Variants in PPP2R3C observed in about 807,000 individuals in gnomAD.
The protein encoded by PPP2R3C is serine/threonine-protein phosphatase 2A regulatory subunit B'' subunit gamma.
In PPP2R3C, 47 loss-of-function variants were observed where a neutral mutation model predicts 63.7. The ratio of observed to expected loss-of-function variants is 0.74; its 90% CI spans 0.58 to 0.94. The LOEUF is 0.94. Ranked by LOEUF, PPP2R3C falls within the 40% of genes least tolerant of loss-of-function variation. The pLI, the probability that PPP2R3C is intolerant of heterozygous loss-of-function variation, is 0.00. For missense variants in PPP2R3C, 421 were observed against 518.4 expected (o/e 0.81, Z 1.82); for synonymous variants, 180 against 177.4 (o/e 1.01, Z -0.12).
rs1487717491 is a variant in PPP2R3C at position 35,107,411 on chromosome 14, A to C, written c.503-37T>G. 3.4e-6 allele frequency: 5 copies of C among 1,485,928 alleles called. No homozygotes were observed. The African/African-American group carries it at 4.2e-5, about 12-fold the overall frequency. 92.0% of individuals were successfully genotyped at this position (1,485,928 alleles called of 1,614,324 possible). Reference sequence around the variant, plus strand: ...CAAGAAAATGAAAGTAATTCTTAAGATCTATCCTTCAGATATGAAAAAGGA... The same window carrying C: ...CAAGAAAATGAAAGTAATTCTTAAGCTCTATCCTTCAGATATGAAAAAGGA... On this transcript the variant is annotated intron_variant, in intron 5 of 12. Transcript: ENST00000261475.
chr14:35,091,995 T>C (rs2045835952), intron 10 of PPP2R3C, among the ~76,000 whole-genome samples: 1 of 149,710 alleles, frequency 6.7e-6, no homozygotes, highest in Non-Finnish European at 1.5e-5. Flanking sequence ...GCTGGGATTA[T>C]AGGCATGCAC....
intron 1 of PPP2R3C, among the ~76,000 whole-genome samples, chr14:35,119,183 G>C (rs1210000871): frequency 6.6e-6 from 1 of 151,462 alleles, no homozygotes; most frequent in East Asian, 2.0e-4. Context: ...GATTACAGGT[G>C]TGCACCACTG....
At chr14:35,106,018 TG>T (rs780757755) in intron 6 of PPP2R3C, among the ~76,000 whole-genome samples, 46 of 151,090 alleles carry the variant, frequency 3.0e-4, no homozygotes, top group Admixed American at 1.8e-3. Flanking sequence ...AATTTTTTTT[TG>T]TATTTTTAGT....
At chr14:35,122,153 C>T (rs1013379885), upstream of PPP2R3C, 1 of 585,056 alleles carries the variant, frequency 1.7e-6, no homozygotes, top group Non-Finnish European at 3.1e-6. Flanking sequence ...ACCGCTACCA[C>T]GCTGACTGGG....
At chr14:35,113,462 C>T (rs531492501) in intron 2 of PPP2R3C, among the ~76,000 whole-genome samples, 40 of 152,154 alleles carry the variant, frequency 2.6e-4, no homozygotes, top group Admixed American at 7.9e-4. Flanking sequence ...GGTTTGGTCC[C>T]GGAAGTACAA....
rs373883148 is a variant in PPP2R3C, at chr14:35,085,540, A to G, written c.*50T>C. ...GAGGATTTTGCTTTAAAGGCTTTACATGCAGCATTCAAGTATCTCATAATA... is the reference window on the plus strand; with the variant it reads ...GAGGATTTTGCTTTAAAGGCTTTACGTGCAGCATTCAAGTATCTCATAATA... On this transcript the variant is annotated 3_prime_UTR_variant, in exon 13 of 13. Coordinates refer to ENST00000261475, the MANE Select transcript of PPP2R3C (RefSeq NM_017917.4). 84 of 1,471,682 alleles carry G rather than the reference A, an allele frequency of 5.7e-5. No individual in the cohort carries two copies. The highest frequency in any genetic ancestry group is 6.7e-5 in the Non-Finnish European group (73 of 1,094,792). 91.2% of individuals were successfully genotyped at this position (1,471,682 alleles called of 1,614,324 possible).
intron 3 of PPP2R3C, 175 bp from the exon 4 acceptor site, chr14:35,110,106 G>T (rs1268124911): frequency 3.7e-6 from 2 of 539,864 alleles, no homozygotes; most frequent in Non-Finnish European, 6.5e-6. Flanking sequence ...CATTTATTGA[G>T]TGCCTACTAA....
At chr14:35,106,624 T>C (rs918825561) in intron 6 of PPP2R3C, 6 of 150,116 alleles carry the variant, frequency 4.0e-5, no homozygotes, top group African/African-American at 1.5e-4. Context: ...AGTACAGGCC[T>C]TGGGAATACA....
intron 11 of PPP2R3C, among the ~76,000 whole-genome samples, chr14:35,089,841 C>T (rs868644965): frequency 1.8e-4 from 15 of 82,694 alleles, no homozygotes; most frequent in South Asian, 7.9e-4. Flanking sequence ...GATTTTTTTG[C>T]ATTTTTAGTA....
intron 12 of PPP2R3C, chr14:35,087,331 C>T (rs770751079): frequency 1.3e-5 from 2 of 152,112 alleles, no homozygotes; most frequent in Non-Finnish European, 2.9e-5. Flanking sequence ...AAAACAGTTT[C>T]CAAGGTAAAA....
At chr14:35,106,214 G>A (rs762741149) in intron 6 of PPP2R3C, among the ~76,000 whole-genome samples, 12 of 152,160 alleles carry the variant, frequency 7.9e-5, no homozygotes, top group Non-Finnish European at 1.6e-4. Context: ...GGTCAGCAAA[G>A]GGTAGGTTTG....
chr14:35,117,973 C>T (rs956516753), intron 1 of PPP2R3C, among the ~76,000 whole-genome samples: 1 of 152,138 alleles, frequency 6.6e-6, no homozygotes, highest in Non-Finnish European at 1.5e-5. Context: ...GGATTACAGG[C>T]ATGAGCCACC....
intron 12 of PPP2R3C, chr14:35,087,589 G>A (rs879866223): frequency 2.6e-4 from 50 of 193,796 alleles, no homozygotes; most frequent in Non-Finnish European, 4.6e-4. Context: ...TAGTAGAGAC[G>A]GGGTTTCACC....
chr14:35,099,072 T>C, intron 7 of PPP2R3C, 180 bp downstream of exon 7: 1 of 776,534 alleles, frequency 1.3e-6, no homozygotes, highest in African/African-American at 1.8e-5. Context: ...GATCTTCAGA[T>C]AAACATAACC....
At chr14:35,120,226 G>A (rs556366828) in intron 1 of PPP2R3C, among the ~76,000 whole-genome samples, 1 of 150,942 alleles carries the variant, frequency 6.6e-6, no homozygotes, top group South Asian at 2.1e-4. Context: ...AGGGGGACAG[G>A]TGATGTTCTC....
chr14:35,118,746 T>A (rs1188497560), intron 1 of PPP2R3C, among the ~76,000 whole-genome samples: 5 of 148,812 alleles, frequency 3.4e-5, no homozygotes, highest in African/African-American at 1.2e-4. Flanking sequence ...CTTCACCTCC[T>A]GGGTTGAAGT....
At chr14:35,116,529 A>T in intron 2 of PPP2R3C, 81 bp downstream of exon 2, 1 of 1,162,072 alleles carries the variant, frequency 8.6e-7, no homozygotes, top group Non-Finnish European at 1.2e-6. Flanking sequence ...TGTTGGGATT[A>T]CAGGTATGAG....
At chr14:35,119,849 C>CTTTTT (rs71121267) in intron 1 of PPP2R3C, among the ~76,000 whole-genome samples, 9,678 of 116,686 alleles carry the variant, frequency 0.083, 698 homozygotes, top group African/African-American at 0.15. Context: ...GACAGTTCAT[C>CTTTTT]TTTTTTTTTT....
intron 11 of PPP2R3C, among the ~76,000 whole-genome samples, chr14:35,089,898 C>T (rs2045741635): frequency 6.6e-6 from 1 of 152,094 alleles, no homozygotes; most frequent in South Asian, 2.1e-4. Context: ...ATCTCCTGAC[C>T]TTGCGATCCG....
Sources: allele counts gnomAD v4.1 joint callset (sites outside exome capture counted in the v4.1 genomes callset), GRCh38; gene constraint gnomAD v4.1.1; transcripts MANE v1.5; gene names NCBI Gene and HGNC (gene_info 2026-07-23, HGNC 2026-07-21).